Variants in NAV2 observed in about 807,000 individuals in gnomAD.
NAV2 encodes the protein helicase, APC down-regulated 1.
Under a neutral mutation model 223.2 loss-of-function variants are expected in NAV2, and 54 were observed. That is an observed-to-expected ratio of 0.24 (90% CI 0.19 to 0.30). The LOEUF (loss-of-function observed/expected upper bound fraction) is 0.30. NAV2 is among the 10% of genes least tolerant of loss of function. The pLI is 1.00. For synonymous variants in NAV2, 1,279 were observed against 1,239.3 expected (o/e 1.03, Z -0.67); for missense variants, 2,806 against 3,147.5 (o/e 0.89, Z 2.60).
chr11:20,020,893 G>A (rs1012787599), intron 11 of NAV2, among the ~76,000 whole-genome samples: 1 of 152,048 alleles, frequency 6.6e-6, no homozygotes. Context: ...TTGGTTCACC[G>A]CTCACTGCTC....
intron 1 of NAV2, among the ~76,000 whole-genome samples, chr11:19,678,053 C>G (rs540170028): frequency 6.6e-6 from 1 of 152,278 alleles, no homozygotes; most frequent in East Asian, 1.9e-4. Flanking sequence ...AGAGACCCCT[C>G]TCCAGAGGGA....
intron 1 of NAV2, among the ~76,000 whole-genome samples, chr11:19,542,921 A>G (rs11025174): frequency 0.13 from 19,343 of 152,222 alleles, 1,416 homozygotes; most frequent in East Asian, 0.19. Context: ...AGGACCACAG[A>G]GGAGAAGGCA....
chr11:20,100,538 A>G (rs530919485), intron 31 of NAV2, among the ~76,000 whole-genome samples: 1 of 139,806 alleles, frequency 7.2e-6, no homozygotes, highest in Admixed American at 7.6e-5. Flanking sequence ...GGTATAGTAT[A>G]CTAGAGGGGT....
chr11:19,785,097 G>A (rs368798769), intron 1 of NAV2, among the ~76,000 whole-genome samples: 7 of 152,288 alleles, frequency 4.6e-5, no homozygotes, highest in Middle Eastern at 3.4e-3. Flanking sequence ...AAATGTTACC[G>A]ATCGGGTAGG....
Position 19,892,559 on chromosome 11 carries a change from C to T in NAV2, c.896C>T (p.Thr299Ile), listed in dbSNP as rs1324952182. The part of the protein sequence containing the change: ...FNNYDKSKPV[T>I]SPPPPPSSHE... The stretch of plus-strand genomic sequence containing the variant: ...AACTATGATAAATCCAAACCAGTCA[C>T]CTCCCCACCCCCACCGCCAAGCAGC... Residue 299 changes from threonine (T) to isoleucine (I), a missense_variant, in exon 6 of 38, where the codon ACC (threonine) becomes ATC (isoleucine). By Grantham distance (89) the Thr-to-Ile change is moderately conservative. Around this residue, in one of 4 missense-constraint regions of NAV2, gnomAD observed 1,167 missense variants for 1,180.5 expected, o/e 0.99. Coordinates refer to ENST00000349880, the MANE Select transcript of NAV2 (RefSeq NM_145117.5). The T allele has an allele frequency of 2.5e-6, 4 of 1,613,908 alleles. No individual in the cohort carries two copies. The highest frequency in any genetic ancestry group is 2.2e-5 in the South Asian group (2 of 91,018).
At chr11:19,844,391 T>G (rs1453717602) in intron 3 of NAV2, among the ~76,000 whole-genome samples, 6 of 152,228 alleles carry the variant, frequency 3.9e-5, no homozygotes, top group African/African-American at 1.4e-4. Flanking sequence ...TGCACCTCTA[T>G]TCTAAGCACC....
intron 1 of NAV2, among the ~76,000 whole-genome samples, chr11:19,498,084 T>G (rs1325164225): frequency 6.6e-6 from 1 of 152,204 alleles, no homozygotes; most frequent in Non-Finnish European, 1.5e-5. Flanking sequence ...GAGTCAGGAT[T>G]CAGACACAGC....
chr11:19,796,490 G>T (rs557678623), intron 1 of NAV2, among the ~76,000 whole-genome samples: 53 of 152,172 alleles, frequency 3.5e-4, no homozygotes, highest in Non-Finnish European at 6.6e-4. Context: ...CAGTAATTTA[G>T]TTCTTCATCT....
At chr11:19,930,217 C>G (rs150437263) in intron 6 of NAV2, among the ~76,000 whole-genome samples, 7 of 152,232 alleles carry the variant, frequency 4.6e-5, no homozygotes, top group African/African-American at 1.7e-4. Flanking sequence ...CTGAGAGTCT[C>G]AGATGGCCAT....
intron 3 of NAV2, among the ~76,000 whole-genome samples, chr11:19,866,855 G>T (rs901679871): frequency 6.6e-6 from 1 of 152,110 alleles, no homozygotes; most frequent in Non-Finnish European, 1.5e-5. Context: ...CCGGGATGGT[G>T]AGCTTTTTCT....
chr11:20,048,369 T>C (rs187413121), intron 14 of NAV2, among the ~76,000 whole-genome samples: 2 of 152,310 alleles, frequency 1.3e-5, no homozygotes, highest in Admixed American at 1.3e-4. Flanking sequence ...GACAACCATC[T>C]TCCTGGGCCA....
chr11:19,874,537 C>T (rs568773938), intron 4 of NAV2, among the ~76,000 whole-genome samples: 248 of 152,294 alleles, frequency 1.6e-3, no homozygotes, highest in African/African-American at 5.8e-3. Flanking sequence ...TCTTGTGGGG[C>T]TTTGGGGTTT....
chr11:19,496,678 C>T (rs1321194813), intron 1 of NAV2, among the ~76,000 whole-genome samples: 1 of 152,180 alleles, frequency 6.6e-6, no homozygotes, highest in Non-Finnish European at 1.5e-5. Context: ...AACAGTGCTA[C>T]ACAAGGGCCT....
Position 20,120,531 on chromosome 11 carries a change from T to C in NAV2, c.*2273T>C, listed in dbSNP as rs1430126957. 6.6e-6 allele frequency: 1 copy of C among 152,608 alleles called. No individual in the cohort carries two copies. Among genetic ancestry groups the C allele is most frequent in the East Asian group, 1.9e-4 (1 of 5,202 alleles). The allele number at this position is 152,608 out of a possible 1,614,324, so 9.5% of individuals were successfully genotyped here. On this transcript the variant is annotated 3_prime_UTR_variant, in exon 38 of 38. Coordinates refer to ENST00000349880, the MANE Select transcript of NAV2 (RefSeq NM_145117.5). ...GAATTTGGGAGGAGGTAAAGTTGACTTCTCCTCGTGGGCAGTTTTCCAATC... is the reference window on the plus strand; with the variant it reads ...GAATTTGGGAGGAGGTAAAGTTGACCTCTCCTCGTGGGCAGTTTTCCAATC...
At chr11:20,033,819 T>TCA (rs2056050259) in intron 11 of NAV2, among the ~76,000 whole-genome samples, 3 of 151,822 alleles carry the variant, frequency 2.0e-5, no homozygotes, top group African/African-American at 7.3e-5. Flanking sequence ...ACTTTGGGGT[T>TCA]ATGTGTGTGT....
At chr11:19,840,578 G>T (rs1174588034) in intron 2 of NAV2, among the ~76,000 whole-genome samples, 1 of 152,146 alleles carries the variant, frequency 6.6e-6, no homozygotes, top group African/African-American at 2.4e-5. Flanking sequence ...ATTCTCAAAA[G>T]CTGCATATTT....
intron 1 of NAV2, among the ~76,000 whole-genome samples, chr11:19,746,838 TA>T (rs1038619477): frequency 4.0e-5 from 6 of 151,126 alleles, no homozygotes; most frequent in South Asian, 2.1e-4. Flanking sequence ...TGTCCCGGCT[TA>T]AAAAAAAACA....
In NAV2 at chr11:19,934,263, A is replaced by G. The variant is rs2045644518; in HGVS notation, c.2019A>G (p.Ala673=). The part of the protein sequence containing the change: ...QYNHPNTATV[A]PFLYRSQTDT... ...ACCATCCCAACACTGCCACGGTTGC[A>G]CCTTTCCTGTACAGGTAGGAGCTGC... Residue 673 remains alanine (A), a synonymous_variant, in exon 7 of 38, where the codon GCA becomes GCG. Coordinates refer to ENST00000349880, the MANE Select transcript of NAV2 (RefSeq NM_145117.5). 6.3e-7 allele frequency: 1 copy of G among 1,596,830 alleles called. No homozygotes were observed. Among genetic ancestry groups the G allele is most frequent in the African/African-American group, 1.3e-5 (1 of 74,490 alleles).
chr11:19,935,894 A>G (rs1270222458), intron 7 of NAV2, among the ~76,000 whole-genome samples: 2 of 98,070 alleles, frequency 2.0e-5, no homozygotes, highest in Non-Finnish European at 1.8e-5. Flanking sequence ...GTGTCGCTCT[A>G]TCGCCATGGC....
Sources: allele counts gnomAD v4.1 joint callset (sites outside exome capture counted in the v4.1 genomes callset), GRCh38; gene constraint gnomAD v4.1.1; regional missense constraint gnomAD v4.1.1; transcripts MANE v1.5; gene names NCBI Gene and HGNC (gene_info 2026-07-23, HGNC 2026-07-21).